The following NLRP2B variants were observed in gnomAD, a reference collection of about 807,000 sequenced individuals.
The protein encoded by NLRP2B is NLR family pyrin domain-containing protein 2B.
For synonymous variants in NLRP2B, 16 were observed against 3.5 expected (o/e 4.63, Z -4.03); for missense variants, 25 against 6.8 (o/e 3.70, Z -3.00).
rs926801778 is a variant in NLRP2B at position 57,678,571 on chromosome X, T to G, written c.*1552A>C. 2.0e-6 allele frequency: 1 copy of G among 492,074 alleles called. No homozygotes were observed. The allele number at this position is 492,074 out of a possible 1,213,427, so 40.6% of individuals were successfully genotyped here. A position where few individuals can be genotyped will look rare whatever the true frequency, so the allele number is the denominator to read the frequency against. Reference sequence around the variant, plus strand: ...CAAAGTGGTCTCCAACTCCTTGGCTTTCTTCTCGTTGGCGAAGCCGAATAA... The same window carrying G: ...CAAAGTGGTCTCCAACTCCTTGGCTGTCTTCTCGTTGGCGAAGCCGAATAA... On this transcript the variant is annotated 3_prime_UTR_variant, in exon 1 of 1. Coordinates refer to ENST00000434992, the MANE Select transcript of NLRP2B (RefSeq NM_001319967.1).
In NLRP2B at chrX:57,678,681, G is replaced by A. The variant is rs964534194; in HGVS notation, c.*1442C>T. On this transcript the variant is annotated 3_prime_UTR_variant, in exon 1 of 1. Transcript: ENST00000434992. ...TCTGCACGTCTCCATTGTCCCAGGC[G>A]TGGCCGTCCTTGTCCTCCTCCTCCT... 9.6e-6 allele frequency: 4 copies of A among 414,924 alleles called. No homozygotes were observed. Among genetic ancestry groups the A allele is most frequent in the East Asian group, 4.7e-5 (1 of 21,067 alleles). The allele number at this position is 414,924 out of a possible 1,213,427, so 34.2% of individuals were successfully genotyped here.
chrX:57,678,680 C>T lies in NLRP2B; in HGVS notation c.*1443G>A. On this transcript the variant is annotated 3_prime_UTR_variant, in exon 1 of 1. Coordinates refer to ENST00000434992, the MANE Select transcript of NLRP2B (RefSeq NM_001319967.1). ...TTCTGCACGTCTCCATTGTCCCAGGCGTGGCCGTCCTTGTCCTCCTCCTCC... is the reference window on the plus strand; with the variant it reads ...TTCTGCACGTCTCCATTGTCCCAGGTGTGGCCGTCCTTGTCCTCCTCCTCC... The T allele has an allele frequency of 2.4e-6, 1 of 413,598 alleles. No homozygotes were observed. Among genetic ancestry groups the T allele is most frequent in the Non-Finnish European group, 4.5e-6 (1 of 224,182 alleles). The allele number at this position is 413,598 out of a possible 1,213,427, so 34.1% of individuals were successfully genotyped here.
rs1029020622 is a variant in NLRP2B at position 57,677,991 on chromosome X, T to C, written c.*2132A>G. ...CATTGCCTTGAAGGGTCAGATATCT[T>C]ACAGTCTTGTGACCTCAAAGAGCTA... On this transcript the variant is annotated 3_prime_UTR_variant, in exon 1 of 1. Coordinates refer to ENST00000434992, the MANE Select transcript of NLRP2B (RefSeq NM_001319967.1). The C allele has an allele frequency of 2.1e-6, 1 of 475,312 alleles. No individual in the cohort carries two copies. Among genetic ancestry groups the C allele is most frequent in the South Asian group, 3.0e-5 (1 of 33,195 alleles). The allele number at this position is 475,312 out of a possible 1,213,427, so 39.2% of individuals were successfully genotyped here.
rs187887176 is a variant in NLRP2B at position 57,679,229 on chromosome X, C to T, written c.*894G>A. ...CATAGATCGGCCGCTCCACCAACAG[C>T]CGGAGGTCTCTCAGGGCCCGCAGGC... On this transcript the variant is annotated 3_prime_UTR_variant, in exon 1 of 1. Coordinates refer to ENST00000434992, the MANE Select transcript of NLRP2B (RefSeq NM_001319967.1). 1.4e-3 allele frequency: 616 copies of T among 450,599 alleles called. 4 individuals are homozygous for T. Among genetic ancestry groups the T allele is most frequent in the African/African-American group, 0.013 (559 of 41,605 alleles). 37.1% of individuals were successfully genotyped at this position (450,599 alleles called of 1,213,427 possible). A position where few individuals can be genotyped will look rare whatever the true frequency, so the allele number is the denominator to read the frequency against.
At position 57,679,491 on chromosome X, in the gene NLRP2B, A is replaced by C; in HGVS notation, c.*632T>G. 1 of 892,776 alleles carries C rather than the reference A, an allele frequency of 1.1e-6. No individual in the cohort carries two copies. The allele number at this position is 892,776 out of a possible 1,213,427, so 73.6% of individuals were successfully genotyped here. On this transcript the variant is annotated 3_prime_UTR_variant, in exon 1 of 1. Transcript: ENST00000434992. Reference sequence around the variant, plus strand: ...GCCAGTTCCTGAAGACCAGCTCTGCAAAACTGCACGGGCCCAGGCAGATGA... The same window carrying C: ...GCCAGTTCCTGAAGACCAGCTCTGCCAAACTGCACGGGCCCAGGCAGATGA...
chrX:57,680,197 C>T lies in NLRP2B; in HGVS notation c.64G>A (p.Asp22Asn). 2.6e-6 allele frequency: 1 copy of T among 392,126 alleles called. No individual in the cohort carries two copies. The highest frequency in any genetic ancestry group is 4.5e-6 in the Non-Finnish European group (1 of 220,077). 32.3% of individuals were successfully genotyped at this position (392,126 alleles called of 1,213,427 possible). A position where few individuals can be genotyped will look rare whatever the true frequency, so the allele number is the denominator to read the frequency against. ...ATCAGAGACTTGAACTTGCACAAGT[C>T]ATCCTGGCTGAGCTGTCCCAGAAGA... The part of the protein sequence containing the change: ...QALLGQLSQD[D>N]LCKFKSLIRT... The change falls in exon 1 of 1, where the codon GAC becomes AAC. Residue 22 changes from aspartate to asparagine, a missense_variant. By Grantham distance (23) the Asp-to-Asn change is conservative (BLOSUM62 1). Coordinates refer to ENST00000434992, the MANE Select transcript of NLRP2B (RefSeq NM_001319967.1).
At position 57,679,449 on chromosome X, in the gene NLRP2B, G is replaced by A. The variant is rs892920170; in HGVS notation, c.*674C>T. 47 of 995,190 alleles carry A rather than the reference G, an allele frequency of 4.7e-5. No homozygotes were observed. The highest frequency in any genetic ancestry group is 6.1e-5 in the Non-Finnish European group (43 of 702,037). 82.0% of individuals were successfully genotyped at this position (995,190 alleles called of 1,213,427 possible). A position where few individuals can be genotyped will look rare whatever the true frequency, so the allele number is the denominator to read the frequency against. On this transcript the variant is annotated 3_prime_UTR_variant, in exon 1 of 1. Coordinates refer to ENST00000434992, the MANE Select transcript of NLRP2B (RefSeq NM_001319967.1). Reference sequence around the variant, plus strand: ...GTGCTTGGGCTAGGATGTTTGGAATGTCATCCTGCAATTCAGGCCAGTTCC... The same window carrying A: ...GTGCTTGGGCTAGGATGTTTGGAATATCATCCTGCAATTCAGGCCAGTTCC...
chrX:57,677,241 C>G lies in NLRP2B; in HGVS notation c.*2882G>C. 2.6e-6 allele frequency: 1 copy of G among 387,468 alleles called. No homozygotes were observed. The allele number at this position is 387,468 out of a possible 1,213,427, so 31.9% of individuals were successfully genotyped here. On this transcript the variant is annotated 3_prime_UTR_variant, in exon 1 of 1. Transcript: ENST00000434992. ...TCTGGAGGGTGCAATTTGGATGTGT[C>G]AAGGTTTCAAACAGCATCTTTACTC...
rs1006157448 is a variant in NLRP2B, at chrX:57,680,093, T to A, written c.*30A>T. ...TGTGGCAATGGCTGGTGATGATTTCTGCCAGTTGCTTCCCATCAGCCTTGT... is the reference window on the plus strand; with the variant it reads ...TGTGGCAATGGCTGGTGATGATTTCAGCCAGTTGCTTCCCATCAGCCTTGT... On this transcript the variant is annotated 3_prime_UTR_variant, in exon 1 of 1. Transcript: ENST00000434992. 1.1e-5 allele frequency: 5 copies of A among 448,635 alleles called. No homozygotes were observed. The highest frequency in any genetic ancestry group is 9.2e-5 in the Admixed American group (3 of 32,445). The allele number at this position is 448,635 out of a possible 1,213,427, so 37.0% of individuals were successfully genotyped here. A position where few individuals can be genotyped will look rare whatever the true frequency, so the allele number is the denominator to read the frequency against.
chrX:57,678,107 G>A lies in NLRP2B; in HGVS notation c.*2016C>T, dbSNP rs144423948. On this transcript the variant is annotated 3_prime_UTR_variant, in exon 1 of 1. Transcript: ENST00000434992. The stretch of plus-strand genomic sequence containing the variant: ...GTGTCAGAAGCTATTTGTTCACACA[G>A]GATCCTTACTAATGTGGCACCAAGA... 484 of 467,266 alleles carry A rather than the reference G, an allele frequency of 1.0e-3. 1 individual carries two copies. The highest frequency in any genetic ancestry group is 9.9e-3 in the African/African-American group (412 of 41,739). The allele number at this position is 467,266 out of a possible 1,213,427, so 38.5% of individuals were successfully genotyped here. A position where few individuals can be genotyped will look rare whatever the true frequency, so the allele number is the denominator to read the frequency against.
In NLRP2B at chrX:57,678,329, T is replaced by C; in HGVS notation, c.*1794A>G. On this transcript the variant is annotated 3_prime_UTR_variant, in exon 1 of 1. Transcript: ENST00000434992. ...ATTTTCTGCAAGTTTCGACAATGCT[T>C]GAGGCAGATTGAAAACAGCATAATG... is the stretch of plus-strand genomic sequence containing the variant. The C allele has an allele frequency of 1.9e-6, 1 of 537,856 alleles. No individual in the cohort carries two copies. Among genetic ancestry groups the C allele is most frequent in the South Asian group, 2.4e-5 (1 of 42,477 alleles). 44.3% of individuals were successfully genotyped at this position (537,856 alleles called of 1,213,427 possible).
In NLRP2B at chrX:57,678,065, C is replaced by G. The variant is rs954586401; in HGVS notation, c.*2058G>C. 1 of 469,377 alleles carries G rather than the reference C, an allele frequency of 2.1e-6. No individual in the cohort carries two copies. The highest frequency in any genetic ancestry group is 2.4e-5 in the African/African-American group (1 of 41,753). 38.7% of individuals were successfully genotyped at this position (469,377 alleles called of 1,213,427 possible). ...GCTGGTGAAATGTTTTTGAACATCA[C>G]TCTCTGGAGACGACAGGTGTCAGAA... On this transcript the variant is annotated 3_prime_UTR_variant, in exon 1 of 1. Transcript: ENST00000434992.
rs774498504 is a variant in NLRP2B at position 57,677,777 on chromosome X, T to A, written c.*2346A>T. 1.2e-5 allele frequency: 5 copies of A among 433,290 alleles called. No individual in the cohort carries two copies. The South Asian group carries it at 1.3e-4, about 11-fold the overall frequency. 35.7% of individuals were successfully genotyped at this position (433,290 alleles called of 1,213,427 possible). A position where few individuals can be genotyped will look rare whatever the true frequency, so the allele number is the denominator to read the frequency against. On this transcript the variant is annotated 3_prime_UTR_variant, in exon 1 of 1. Coordinates refer to ENST00000434992, the MANE Select transcript of NLRP2B (RefSeq NM_001319967.1). Reference sequence around the variant, plus strand: ...TGTCTCAAAGTTGTGTACAGCAACTTGGCACCCTCATCCAAGAGCTCATTG... The same window carrying A: ...TGTCTCAAAGTTGTGTACAGCAACTAGGCACCCTCATCCAAGAGCTCATTG...
chrX:57,678,156 G>T lies in NLRP2B; in HGVS notation c.*1967C>A. On this transcript the variant is annotated 3_prime_UTR_variant, in exon 1 of 1. Coordinates refer to ENST00000434992, the MANE Select transcript of NLRP2B (RefSeq NM_001319967.1). ...GAAAGCTATTATTGATTTCTAGAAT[G>T]ATCAGATCCTTATTTGAGCCAAATA... 2.0e-6 allele frequency: 1 copy of T among 498,165 alleles called. No individual in the cohort carries two copies. The highest frequency in any genetic ancestry group is 3.6e-6 in the Non-Finnish European group (1 of 274,378). The allele number at this position is 498,165 out of a possible 1,213,427, so 41.1% of individuals were successfully genotyped here. A position where few individuals can be genotyped will look rare whatever the true frequency, so the allele number is the denominator to read the frequency against.
At position 57,677,848 on chromosome X, in the gene NLRP2B, A is replaced by G; in HGVS notation, c.*2275T>C. 1 of 434,044 alleles carries G rather than the reference A, an allele frequency of 2.3e-6. No homozygotes were observed. Among genetic ancestry groups the G allele is most frequent in the Non-Finnish European group, 4.3e-6 (1 of 230,389 alleles). 35.8% of individuals were successfully genotyped at this position (434,044 alleles called of 1,213,427 possible). On this transcript the variant is annotated 3_prime_UTR_variant, in exon 1 of 1. Coordinates refer to ENST00000434992, the MANE Select transcript of NLRP2B (RefSeq NM_001319967.1). ...CAGGGACTGGTTGACTTCAAGGGCC[A>G]AGGAGAGATCAGCCCATTGCTAAGT...
Position 57,678,432 on chromosome X carries a change from G to T in NLRP2B, c.*1691C>A. The T allele has an allele frequency of 1.9e-6, 1 of 520,666 alleles. No homozygotes were observed. Among genetic ancestry groups the T allele is most frequent in the Non-Finnish European group, 3.5e-6 (1 of 282,784 alleles). The allele number at this position is 520,666 out of a possible 1,213,427, so 42.9% of individuals were successfully genotyped here. On this transcript the variant is annotated 3_prime_UTR_variant, in exon 1 of 1. Coordinates refer to ENST00000434992, the MANE Select transcript of NLRP2B (RefSeq NM_001319967.1). Reference sequence around the variant, plus strand: ...TCACCAGCTCCTCCTCCTGAGACTCGTACAGACAGCACAAGAGCTCCTTCG... The same window carrying T: ...TCACCAGCTCCTCCTCCTGAGACTCTTACAGACAGCACAAGAGCTCCTTCG...
At position 57,678,938 on chromosome X, in the gene NLRP2B, C is replaced by A; in HGVS notation, c.*1185G>T. Reference sequence around the variant, plus strand: ...GCCAGGAGGCTCAGCGCCCGCAGCACGCCCCAGAGCTGTGCGCCCTGCGGG... The same window carrying A: ...GCCAGGAGGCTCAGCGCCCGCAGCAAGCCCCAGAGCTGTGCGCCCTGCGGG... On this transcript the variant is annotated 3_prime_UTR_variant, in exon 1 of 1. Coordinates refer to ENST00000434992, the MANE Select transcript of NLRP2B (RefSeq NM_001319967.1). 2.4e-6 allele frequency: 1 copy of A among 421,358 alleles called. No individual in the cohort carries two copies. The highest frequency in any genetic ancestry group is 4.0e-6 in the Non-Finnish European group (1 of 249,332). 34.7% of individuals were successfully genotyped at this position (421,358 alleles called of 1,213,427 possible). A position where few individuals can be genotyped will look rare whatever the true frequency, so the allele number is the denominator to read the frequency against.
rs2011754816 is a variant in NLRP2B at position 57,679,810 on chromosome X, T to A, written c.*313A>T. Reference sequence around the variant, plus strand: ...GTACCTATCCTCTTTACCTGGCTTTTCTCCTTTCAAGACTTCTTTAGCTTC... The same window carrying A: ...GTACCTATCCTCTTTACCTGGCTTTACTCCTTTCAAGACTTCTTTAGCTTC... On this transcript the variant is annotated 3_prime_UTR_variant, in exon 1 of 1. Coordinates refer to ENST00000434992, the MANE Select transcript of NLRP2B (RefSeq NM_001319967.1). The A allele has an allele frequency of 3.4e-6, 1 of 291,556 alleles. No individual in the cohort carries two copies. The highest frequency in any genetic ancestry group is 5.9e-5 in the Admixed American group (1 of 17,079). 24.0% of individuals were successfully genotyped at this position (291,556 alleles called of 1,213,427 possible).
chrX:57,678,895 G>A lies in NLRP2B; in HGVS notation c.*1228C>T, dbSNP rs752245659. The A allele has an allele frequency of 4.4e-5, 17 of 383,276 alleles. No individual in the cohort carries two copies. Among genetic ancestry groups the A allele is most frequent in the South Asian group, 1.0e-4 (3 of 29,106 alleles). 31.6% of individuals were successfully genotyped at this position (383,276 alleles called of 1,213,427 possible). A position where few individuals can be genotyped will look rare whatever the true frequency, so the allele number is the denominator to read the frequency against. ...CTCTCCACGGAACACTGACATCTGCGCCCACAGGCCCTGTGCCGCCAGGAG... is the reference window on the plus strand; with the variant it reads ...CTCTCCACGGAACACTGACATCTGCACCCACAGGCCCTGTGCCGCCAGGAG... On this transcript the variant is annotated 3_prime_UTR_variant, in exon 1 of 1. Coordinates refer to ENST00000434992, the MANE Select transcript of NLRP2B (RefSeq NM_001319967.1).
Sources: gnomAD v4.1 joint callset for allele counts on GRCh38, gnomAD v4.1.1 for gene constraint, MANE v1.5 for transcripts, NCBI Gene and HGNC (gene_info 2026-07-23, HGNC 2026-07-21) for gene names.